THEMIS: variants seen among roughly 807,000 people sequenced by gnomAD.
THEMIS encodes protein THEMIS.
A neutral mutation model predicts 52.6 loss-of-function variants in THEMIS; 37 were observed. That is an observed-to-expected ratio of 0.70 (90% CI 0.54 to 0.93). THEMIS has a LOEUF of 0.93. Among genes scored for constraint, THEMIS ranks in the 40% least tolerant of loss-of-function variants. THEMIS has a pLI of 0.00. For missense variants in THEMIS, 808 were observed against 763.1 expected (o/e 1.06, Z -0.69); for synonymous variants, 292 against 272.7 (o/e 1.07, Z -0.70).
chr6:127,886,457 G>A (rs566999855), intron 1 of THEMIS, among the ~76,000 whole-genome samples: 4 of 152,084 alleles, frequency 2.6e-5, no homozygotes, highest in Non-Finnish European at 4.4e-5. Flanking sequence ...AAGCATAAAA[G>A]TGTTTTTGTG....
chr6:127,836,008 C>A (rs776756324), intron 2 of THEMIS, among the ~76,000 whole-genome samples: 6 of 152,132 alleles, frequency 3.9e-5, no homozygotes, highest in Non-Finnish European at 7.4e-5. Flanking sequence ...TTGTTATTCA[C>A]AAGGTATACA....
chr6:127,713,774 T>A (rs1774063920), intron 5 of THEMIS, among the ~76,000 whole-genome samples: 1 of 151,742 alleles, frequency 6.6e-6, no homozygotes, highest in South Asian at 2.1e-4. Context: ...GAGAAACAGC[T>A]ATGAGGCCAA....
chr6:127,888,238 T>C (rs1269851966), intron 1 of THEMIS, among the ~76,000 whole-genome samples: 1 of 152,098 alleles, frequency 6.6e-6, no homozygotes, highest in Non-Finnish European at 1.5e-5. Context: ...TGGGGACTTA[T>C]TACCCATATA....
intron 5 of THEMIS, among the ~76,000 whole-genome samples, chr6:127,718,569 G>A (rs542143469): frequency 6.6e-6 from 1 of 151,950 alleles, no homozygotes; most frequent in African/African-American, 2.4e-5. Flanking sequence ...GTGTTATCTG[G>A]TACTTTTTAG....
intron 1 of THEMIS, among the ~76,000 whole-genome samples, chr6:127,886,250 T>C (rs1470014708): frequency 6.6e-6 from 1 of 152,156 alleles, no homozygotes; most frequent in Non-Finnish European, 1.5e-5. Context: ...AATGGATTCA[T>C]AGTTAGGTTT....
intron 4 of THEMIS, among the ~76,000 whole-genome samples, chr6:127,770,209 T>C (rs1776336277): frequency 6.6e-6 from 1 of 152,158 alleles, no homozygotes. Context: ...CTGTCTTCCA[T>C]AATGGCTGAA....
intron 1 of THEMIS, among the ~76,000 whole-genome samples, chr6:127,878,783 C>T (rs1209471184): frequency 6.6e-6 from 1 of 152,142 alleles, no homozygotes; most frequent in African/African-American, 2.4e-5. Context: ...TTTCTAAAAA[C>T]ATGATGCTTT....
intron 4 of THEMIS, among the ~76,000 whole-genome samples, chr6:127,775,198 G>C (rs1173924202): frequency 6.6e-6 from 1 of 152,174 alleles, no homozygotes; most frequent in Admixed American, 6.5e-5. Context: ...GCTGCATAGT[G>C]TTCTTAGCCT....
chr6:127,743,883 T>C (rs1477814461), intron 4 of THEMIS, among the ~76,000 whole-genome samples: 1 of 152,140 alleles, frequency 6.6e-6, no homozygotes, highest in African/African-American at 2.4e-5. Flanking sequence ...TAGGTTAAAG[T>C]GCGACTCACT....
At position 127,719,756 on chromosome 6, in the gene THEMIS, A is replaced by G. The variant is rs1774299606; in HGVS notation, c.1826T>C (p.Ile609Thr). The G allele has an allele frequency of 6.2e-7, 1 of 1,612,284 alleles. No homozygotes were observed. The highest frequency in any genetic ancestry group is 1.1e-5 in the South Asian group (1 of 91,000). Reference protein sequence around the residue: ...NQAGLDSKVLIGSQNDLVDEE... With the variant: ...NQAGLDSKVLTGSQNDLVDEE... ...ATCCACCAAATCATTCTGACTACCA[A>G]TCAGTACTTTTGAATCCAGGCCAGC... The change falls in exon 5 of 6, where the codon ATT (isoleucine) becomes ACT (threonine). Residue 609 changes from isoleucine (I) to threonine (T), a missense_variant. Ile to Thr is a moderately conservative substitution (Grantham distance 89, BLOSUM62 -1). Coordinates refer to ENST00000368248, the MANE Select transcript of THEMIS (RefSeq NM_001010923.3).
At chr6:127,864,332 GA>G (rs1165285936) in intron 1 of THEMIS, among the ~76,000 whole-genome samples, 1 of 151,322 alleles carries the variant, frequency 6.6e-6, no homozygotes, top group Non-Finnish European at 1.5e-5. Context: ...TGCCAGATCA[GA>G]AAAAAAAGTT....
At chr6:127,745,210 T>G (rs187068757) in intron 4 of THEMIS, among the ~76,000 whole-genome samples, 2 of 151,944 alleles carry the variant, frequency 1.3e-5, no homozygotes, top group East Asian at 3.9e-4. Context: ...GAAAATGTGT[T>G]TCAAGGACTT....
At chr6:127,760,379 A>C (rs1469856666) in intron 4 of THEMIS, among the ~76,000 whole-genome samples, 1 of 152,128 alleles carries the variant, frequency 6.6e-6, no homozygotes, top group African/African-American at 2.4e-5. Context: ...TCATGGTTTC[A>C]TATGACTTTC....
chr6:127,821,466 T>C (rs921099886), intron 3 of THEMIS, among the ~76,000 whole-genome samples: 2 of 152,116 alleles, frequency 1.3e-5, no homozygotes, highest in African/African-American at 4.8e-5. Flanking sequence ...CTTCCCAGAA[T>C]TTCTTTGTGA....
intron 1 of THEMIS, among the ~76,000 whole-genome samples, chr6:127,869,234 A>T (rs1338717437): frequency 2.6e-5 from 4 of 152,244 alleles, no homozygotes; most frequent in Admixed American, 2.0e-4. Flanking sequence ...AAATATCTTA[A>T]GTTGAAAATG....
chr6:127,785,586 T>G (rs1003471961), intron 4 of THEMIS, among the ~76,000 whole-genome samples: 3 of 151,980 alleles, frequency 2.0e-5, no homozygotes, highest in Admixed American at 2.0e-4. Context: ...CTTTACCATA[T>G]AAAAGGATTA....
intron 4 of THEMIS, among the ~76,000 whole-genome samples, chr6:127,729,885 T>C (rs1774700400): frequency 6.6e-6 from 1 of 152,224 alleles, no homozygotes; most frequent in African/African-American, 2.4e-5. Flanking sequence ...TAAGTCATGA[T>C]GCATAGGTTT....
At chr6:127,766,075 C>A (rs1423307642) in intron 4 of THEMIS, among the ~76,000 whole-genome samples, 1 of 152,098 alleles carries the variant, frequency 6.6e-6, no homozygotes, top group Admixed American at 6.6e-5. Context: ...TTCAAAGCAT[C>A]TGCACTCCTG....
chr6:127,820,822 A>G (rs539850661), intron 3 of THEMIS, among the ~76,000 whole-genome samples: 1 of 151,386 alleles, frequency 6.6e-6, no homozygotes, highest in Non-Finnish European at 1.5e-5. Flanking sequence ...TGATTTTTTT[A>G]TATGTTTTAA....
Sources: allele counts gnomAD v4.1 joint callset (sites outside exome capture counted in the v4.1 genomes callset), GRCh38; gene constraint gnomAD v4.1.1; transcripts MANE v1.5; gene names NCBI Gene and HGNC (gene_info 2026-07-23, HGNC 2026-07-21).